KLHL1: variants seen among roughly 807,000 people sequenced by gnomAD.
KLHL1 encodes the protein kelch like family member 1.
Under a neutral mutation model 77.7 loss-of-function variants are expected in KLHL1, and 47 were observed. That is an observed-to-expected ratio of 0.60 (90% CI 0.48 to 0.77). The LOEUF is 0.77. Among genes scored for constraint, KLHL1 ranks in the 30% least tolerant of loss-of-function variants. The probability of loss-of-function intolerance (pLI) is 0.00; values close to 1 mark genes in which losing one functional copy is unlikely to be tolerated. For synonymous variants in KLHL1, 360 were observed against 325.2 expected (o/e 1.11, Z -1.15); for missense variants, 925 against 910.8 (o/e 1.02, Z -0.20).
chr13:69,771,282 A>G (rs1449443402), intron 7 of KLHL1, among the ~76,000 whole-genome samples: 1 of 151,998 alleles, frequency 6.6e-6, no homozygotes, highest in African/African-American at 2.4e-5. Context: ...CTTTCAAAAA[A>G]AAAAAAAAAA....
At chr13:70,096,746 A>G (rs1887801987) in intron 1 of KLHL1, among the ~76,000 whole-genome samples, 1 of 151,962 alleles carries the variant, frequency 6.6e-6, no homozygotes, top group Non-Finnish European at 1.5e-5. Context: ...ATCCCTTAAA[A>G]ATATGACACT....
At chr13:70,057,537 G>A (rs1204681929) in intron 1 of KLHL1, among the ~76,000 whole-genome samples, 23 of 148,464 alleles carry the variant, frequency 1.5e-4, no homozygotes, top group Non-Finnish European at 3.1e-4. Flanking sequence ...AGCACTTTGG[G>A]AGGCCGAGGC....
intron 10 of KLHL1, among the ~76,000 whole-genome samples, chr13:69,703,419 AAG>A (rs1276472971): frequency 6.6e-6 from 1 of 150,650 alleles, no homozygotes; most frequent in African/African-American, 2.4e-5. Flanking sequence ...AAGAGTCAAA[AAG>A]TTTTTAAAAA....
chr13:69,997,987 A>G lies in KLHL1; in HGVS notation c.498-22185T>C, dbSNP rs2439676. 9.9e-3 allele frequency among the ~76,000 whole-genome samples: 1,504 copies of G among 152,012 alleles called. 25 individuals carry two copies. Among genetic ancestry groups the G allele is most frequent in the African/African-American group, 0.034 (1,417 of 41,518 alleles). ...ATATACACAGAAGTGGGATCACTGA[A>G]TTACATGATAGTTCTACTTTAATGT... On this transcript the variant is annotated intron_variant, in intron 1 of 10. Transcript: ENST00000377844.
chr13:69,818,296 C>T (rs1450742499), intron 6 of KLHL1, among the ~76,000 whole-genome samples: 1 of 147,030 alleles, frequency 6.8e-6, no homozygotes, highest in Non-Finnish European at 1.5e-5. Context: ...TCTCAGCTCA[C>T]TGCAACCTCT....
At chr13:69,767,706 C>T (rs970936186) in intron 7 of KLHL1, among the ~76,000 whole-genome samples, 4 of 152,184 alleles carry the variant, frequency 2.6e-5, no homozygotes, top group East Asian at 1.9e-4. Context: ...TCTTTCCTTT[C>T]GTTTTCTCAG....
chr13:69,975,515 G>C, intron 2 of KLHL1, 105 bp downstream of exon 2: 1 of 798,180 alleles, frequency 1.3e-6, no homozygotes, highest in Non-Finnish European at 1.8e-6. Context: ...TTAAAAAAAT[G>C]TGAATCCTTA....
At chr13:70,025,482 T>C (rs1885918436) in intron 1 of KLHL1, among the ~76,000 whole-genome samples, 1 of 152,012 alleles carries the variant, frequency 6.6e-6, no homozygotes, top group Non-Finnish European at 1.5e-5. Context: ...ACAGAACATC[T>C]AGACAAGAAC....
chr13:69,986,016 C>A (rs538655648), intron 1 of KLHL1, among the ~76,000 whole-genome samples: 1 of 150,346 alleles, frequency 6.7e-6, no homozygotes, highest in African/African-American at 2.4e-5. Flanking sequence ...GAATAGTATT[C>A]CATTGTGTGG....
chr13:70,078,932 A>G (rs1188396600), intron 1 of KLHL1, among the ~76,000 whole-genome samples: 2 of 152,196 alleles, frequency 1.3e-5, no homozygotes, highest in Non-Finnish European at 2.9e-5. Flanking sequence ...ATCTCAAGGC[A>G]TGCACACTGG....
intron 1 of KLHL1, among the ~76,000 whole-genome samples, chr13:69,982,832 T>C (rs1354855690): frequency 4.0e-5 from 6 of 151,876 alleles, no homozygotes; most frequent in Non-Finnish European, 7.4e-5. Flanking sequence ...TCAGCAAGAT[T>C]AAATAAAAGT....
At chr13:69,816,899 A>G (rs1169534870) in intron 6 of KLHL1, among the ~76,000 whole-genome samples, 2 of 152,062 alleles carry the variant, frequency 1.3e-5, no homozygotes. Flanking sequence ...CAGAGTTTGC[A>G]GTGGGCCAAG....
chr13:69,966,948 T>A (rs200270928), intron 2 of KLHL1, among the ~76,000 whole-genome samples: 8 of 152,222 alleles, frequency 5.3e-5, no homozygotes, highest in Non-Finnish European at 1.2e-4. Context: ...TGATTTCATT[T>A]TTTTAATGGC....
At chr13:69,879,827 G>C (rs1055227142) in intron 5 of KLHL1, among the ~76,000 whole-genome samples, 4 of 151,922 alleles carry the variant, frequency 2.6e-5, no homozygotes, top group Non-Finnish European at 5.9e-5. Flanking sequence ...AACTAAAGAA[G>C]ATGGCAATCA....
intron 4 of KLHL1, chr13:69,894,039 T>C (rs1030738768): frequency 6.6e-6 from 1 of 152,304 alleles, no homozygotes; most frequent in Non-Finnish European, 1.5e-5. Flanking sequence ...GGTTAGGAAA[T>C]CTCCCAACCG....
chr13:70,038,492 A>G (rs55705420), intron 1 of KLHL1, among the ~76,000 whole-genome samples: 25,301 of 151,718 alleles, frequency 0.17, 2,191 homozygotes, highest in Middle Eastern at 0.18. Context: ...ATTATTTTCC[A>G]GAGTGGTTGT....
chr13:69,782,793 T>C (rs1437579689), intron 7 of KLHL1, among the ~76,000 whole-genome samples: 1 of 152,192 alleles, frequency 6.6e-6, no homozygotes, highest in African/African-American at 2.4e-5. Flanking sequence ...TGTCCCTGTC[T>C]GACAGCTTTG....
intron 4 of KLHL1, among the ~76,000 whole-genome samples, chr13:69,923,178 G>A (rs1344388991): frequency 1.3e-5 from 2 of 152,142 alleles, no homozygotes; most frequent in Non-Finnish European, 2.9e-5. Flanking sequence ...TAGTAGTAAA[G>A]ACTGTTCCCA....
At chr13:69,981,488 T>A (rs182406802) in intron 1 of KLHL1, among the ~76,000 whole-genome samples, 1 of 152,060 alleles carries the variant, frequency 6.6e-6, no homozygotes, top group Non-Finnish European at 1.5e-5. Flanking sequence ...CATACATAGA[T>A]CTTAGACAAA....
Sources: gnomAD v4.1 joint callset for allele counts (sites outside exome capture counted in the v4.1 genomes callset) on GRCh38, gnomAD v4.1.1 for gene constraint, MANE v1.5 for transcripts, NCBI Gene and HGNC (gene_info 2026-07-23, HGNC 2026-07-21) for gene names.